MAD2L1BP: variants seen among roughly 807,000 people sequenced by gnomAD.
MAD2L1BP encodes MAD2L1-binding protein.
MAD2L1BP carries 22 observed loss-of-function variants against 28.4 expected under a neutral mutation model. The observed-to-expected ratio is 0.77, with a 90% CI of 0.55 to 1.10. The LOEUF is 1.10. MAD2L1BP is among the 50% of genes least tolerant of loss of function. The pLI is 0.00. For missense variants in MAD2L1BP, 325 were observed against 350.5 expected (o/e 0.93, Z 0.58); for synonymous variants, 146 against 133.7 (o/e 1.09, Z -0.63).
upstream of MAD2L1BP, chr6:43,635,742 T>C (rs1770167002): frequency 1.2e-6 from 1 of 839,116 alleles, no homozygotes; most frequent in Non-Finnish European, 1.7e-6. Flanking sequence ...CAGCTCCACT[T>C]AACCTCCCCC....
rs374271906 is a variant in MAD2L1BP, at chr6:43,637,969, C to T, written c.312+1323C>T. Among the ~76,000 whole-genome samples the T allele has an allele frequency of 4.3e-4, 66 of 151,826 alleles. No individual in the cohort carries two copies. The East Asian group carries it at 4.5e-3, about 10-fold the overall frequency. ...AGGCTGGAGTGCAGTGGAGCGATCT[C>T]GGCTCACTGCAACCTCCACTTTGGG... On this transcript the variant is annotated intron_variant, in intron 2 of 2. Transcript: ENST00000372171.
chr6:43,633,052 C>A, upstream of MAD2L1BP: 1 of 337,228 alleles, frequency 3.0e-6, no homozygotes, highest in South Asian at 2.2e-5. Flanking sequence ...CAACAAAAAA[C>A]TTCTGGACTC....
intron 1 of MAD2L1BP, chr6:43,629,782 G>C (rs1042230025): frequency 1.3e-6 from 2 of 1,563,788 alleles, no homozygotes; most frequent in African/African-American, 2.7e-5. Flanking sequence ...GAGTCAGGGC[G>C]AACGCCAGGG....
At chr6:43,632,258 CT>C (rs1197422575), upstream of MAD2L1BP, among the ~76,000 whole-genome samples, 13,862 of 108,840 alleles carry the variant, frequency 0.13, 1,998 homozygotes, top group African/African-American at 0.39. Context: ...GATTGATTGA[CT>C]TTTTTTTTTT....
upstream of MAD2L1BP, among the ~76,000 whole-genome samples, chr6:43,631,538 C>G (rs993440608): frequency 6.6e-6 from 1 of 152,168 alleles, no homozygotes; most frequent in Non-Finnish European, 1.5e-5. Context: ...GGCTGAAGTG[C>G]AGTGGTGTGA....
upstream of MAD2L1BP, among the ~76,000 whole-genome samples, chr6:43,634,400 T>A (rs573706419): frequency 1.8e-3 from 266 of 151,698 alleles, 2 homozygotes; most frequent in African/African-American, 4.7e-3. Flanking sequence ...TAAAAAAAAA[T>A]TTTTAATTTT....
chr6:43,636,376 A>G lies in MAD2L1BP; in HGVS notation c.47-5A>G, dbSNP rs750386101. ...TTCTCTCTTGTCCCTCTTTTCATCT[A>G]CCAGATTTGGAGTGGTATGAGAAGT... On this transcript the variant is annotated splice_region_variant and splice_polypyrimidine_tract_variant and intron_variant, in intron 1 of 2. Transcript: ENST00000372171. 28 of 1,613,054 alleles carry G rather than the reference A, an allele frequency of 1.7e-5. No homozygotes were observed. Among genetic ancestry groups the G allele is most frequent in the Non-Finnish European group, 2.3e-5 (27 of 1,179,528 alleles).
At chr6:43,632,326 A>G (rs1187670175), upstream of MAD2L1BP, among the ~76,000 whole-genome samples, 1 of 149,008 alleles carries the variant, frequency 6.7e-6, no homozygotes, top group African/African-American at 2.5e-5. Flanking sequence ...CAATGGCACA[A>G]TCTTGACTCA....
At chr6:43,638,924 C>G (rs1217765645) in intron 2 of MAD2L1BP, among the ~76,000 whole-genome samples, 1 of 152,038 alleles carries the variant, frequency 6.6e-6, no homozygotes, top group South Asian at 2.1e-4. Context: ...GGAAAGTCTT[C>G]CCTCTGGATG....
At chr6:43,635,943 T>A (rs770120749) in intron 1 of MAD2L1BP, 22 bp downstream of exon 1, 2 of 1,526,708 alleles carry the variant, frequency 1.3e-6, no homozygotes, top group Non-Finnish European at 1.8e-6. Context: ...GGCCAAGAGT[T>A]TGGGGAGCCT....
chr6:43,640,488 C>T lies in MAD2L1BP; in HGVS notation c.780C>T (p.Tyr260=), dbSNP rs1462334819. 6.2e-7 allele frequency: 1 copy of T among 1,608,898 alleles called. No homozygotes were observed. The highest frequency in any genetic ancestry group is 1.3e-5 in the African/African-American group (1 of 74,892). The part of the protein sequence containing the change: ...PSIRTTAWED[Y]IWFQAPVTFK... ...TCCGAACCACGGCTTGGGAAGACTA[C>T]ATTTGGTTCCAGGCACCAGTGACAT... The change falls in exon 3 of 3, where the codon TAC becomes TAT. Residue 260 remains tyrosine (Y), a synonymous_variant. Transcript: ENST00000372171.
At chr6:43,633,194 G>A (rs184286922), upstream of MAD2L1BP, 268 of 426,546 alleles carry the variant, frequency 6.3e-4, 1 homozygote, top group African/African-American at 5.1e-3. Flanking sequence ...TTTTTTCCAG[G>A]CGGAGTCTCA....
At position 43,640,173 on chromosome 6, in the gene MAD2L1BP, G is replaced by A. The variant is rs1314244282; in HGVS notation, c.465G>A (p.Gly155=). 2 of 1,613,418 alleles carry A rather than the reference G, an allele frequency of 1.2e-6. No homozygotes were observed. The highest frequency in any genetic ancestry group is 1.7e-6 in the Non-Finnish European group (2 of 1,179,560). Residue 155 remains glycine (G), a synonymous_variant, in exon 3 of 3, where the codon GGG becomes GGA. Coordinates refer to ENST00000372171, the MANE Select transcript of MAD2L1BP (RefSeq NM_014628.3). The part of the protein sequence containing the change: ...TLVPRVLILL[G]GNALSPKEFY... ...TACCGCGAGTGCTGATTCTCCTTGG[G>A]GGCAATGCCCTAAGCCCCAAGGAGT... is the stretch of plus-strand genomic sequence containing the variant.
intron 2 of MAD2L1BP, among the ~76,000 whole-genome samples, chr6:43,638,096 C>T (rs1204629576): frequency 1.3e-5 from 2 of 152,036 alleles, no homozygotes; most frequent in Non-Finnish European, 1.5e-5. Flanking sequence ...CAGGGTATCG[C>T]AATGTTGGCT....
At position 43,640,776 on chromosome 6, in the gene MAD2L1BP, G is replaced by C; in HGVS notation, c.*243G>C. On this transcript the variant is annotated 3_prime_UTR_variant, in exon 3 of 3. Coordinates refer to ENST00000372171, the MANE Select transcript of MAD2L1BP (RefSeq NM_014628.3). Reference sequence around the variant, plus strand: ...AAGGTTGATTTTCCCAGAGGGTGCTGGGTCAGGCATTTCTATTAGGAGTTG... The same window carrying C: ...AAGGTTGATTTTCCCAGAGGGTGCTCGGTCAGGCATTTCTATTAGGAGTTG... 4.2e-6 allele frequency: 2 copies of C among 477,552 alleles called. No individual in the cohort carries two copies. The highest frequency in any genetic ancestry group is 6.6e-5 in the South Asian group (2 of 30,318). 29.6% of individuals were successfully genotyped at this position (477,552 alleles called of 1,614,324 possible). A position where few individuals can be genotyped will look rare whatever the true frequency, so the allele number is the denominator to read the frequency against.
At chr6:43,638,430 C>T (rs372785567) in intron 2 of MAD2L1BP, among the ~76,000 whole-genome samples, 77 of 152,254 alleles carry the variant, frequency 5.1e-4, no homozygotes, top group African/African-American at 1.7e-3. Context: ...CTTCTAGAAT[C>T]CATTCCCCAT....
In MAD2L1BP at chr6:43,639,630, C is replaced by T. The variant is rs982194825; in HGVS notation, c.313-391C>T. 5.3e-5 allele frequency among the ~76,000 whole-genome samples: 8 copies of T among 152,204 alleles called. No individual in the cohort carries two copies. In the East Asian group the frequency reaches 1.4e-3, roughly 26 times the overall value. On this transcript the variant is annotated intron_variant, in intron 2 of 2. Transcript: ENST00000372171. ...TGCAAATAAGCATGTGTTCAGTTTACTATGTTTAAGTGGAAGAACAAGTTC... is the reference window on the plus strand; with the variant it reads ...TGCAAATAAGCATGTGTTCAGTTTATTATGTTTAAGTGGAAGAACAAGTTC...
upstream of MAD2L1BP, among the ~76,000 whole-genome samples, chr6:43,630,919 A>AG (rs1769882879): frequency 6.6e-6 from 1 of 151,312 alleles, no homozygotes; most frequent in African/African-American, 2.4e-5. Flanking sequence ...AAAAAAAAAA[A>AG]AAAAAAAAAA....
intron 2 of MAD2L1BP, among the ~76,000 whole-genome samples, chr6:43,638,777 A>T (rs1001241494): frequency 6.6e-6 from 1 of 151,832 alleles, no homozygotes; most frequent in Admixed American, 6.6e-5. Context: ...GCCTGGGCGA[A>T]AGAGCGAAAC....
Sources: gnomAD v4.1 joint callset for allele counts (sites outside exome capture counted in the v4.1 genomes callset) on GRCh38, gnomAD v4.1.1 for gene constraint, MANE v1.5 for transcripts, NCBI Gene and HGNC (gene_info 2026-07-23, HGNC 2026-07-21) for gene names.